The following SYNPR variants were observed in gnomAD, a reference collection of about 807,000 sequenced individuals.
The protein encoded by SYNPR is synaptoporin.
A neutral mutation model predicts 32.9 loss-of-function variants in SYNPR; 23 were observed. The ratio of observed to expected loss-of-function variants is 0.70; its 90% confidence interval spans 0.50 to 0.99. SYNPR has a LOEUF of 0.99. Ranked by LOEUF, SYNPR falls within the 50% of genes least tolerant of loss-of-function variation. The probability of loss-of-function intolerance (pLI) is 0.00; values close to 1 mark genes in which losing one functional copy is unlikely to be tolerated. For synonymous variants in SYNPR, 146 were observed against 135.9 expected (o/e 1.07, Z -0.52); for missense variants, 318 against 349.3 (o/e 0.91, Z 0.71).
At chr3:63,324,394 T>C (rs919186594) in intron 2 of SYNPR, among the ~76,000 whole-genome samples, 3 of 152,118 alleles carry the variant, frequency 2.0e-5, no homozygotes, top group Admixed American at 1.3e-4. Flanking sequence ...TTTGCATTTA[T>C]CCTGTAGCCA....
intron 2 of SYNPR, among the ~76,000 whole-genome samples, chr3:63,317,380 GT>G (rs2087054663): frequency 6.6e-6 from 1 of 151,720 alleles, no homozygotes; most frequent in Admixed American, 6.6e-5. Flanking sequence ...CATTTATTGG[GT>G]CTATTGGTAA....
intron 2 of SYNPR, among the ~76,000 whole-genome samples, chr3:63,302,906 T>C (rs1156989802): frequency 6.6e-6 from 1 of 151,978 alleles, no homozygotes; most frequent in African/African-American, 2.4e-5. Context: ...AATAGAATAA[T>C]TTGAATGTTT....
intron 3 of SYNPR, among the ~76,000 whole-genome samples, chr3:63,494,432 TAC>T (rs1385989405): frequency 3.6e-5 from 4 of 110,678 alleles, no homozygotes; most frequent in African/African-American, 8.5e-5. Context: ...TATATATATA[TAC>T]GTATATATAT....
intron 2 of SYNPR, among the ~76,000 whole-genome samples, chr3:63,434,526 A>C (rs1207592141): frequency 1.3e-5 from 2 of 152,358 alleles, no homozygotes; most frequent in African/African-American, 2.4e-5. Context: ...CAAATTTACT[A>C]TTCATATCTC....
At chr3:63,328,855 A>C (rs918462057) in intron 2 of SYNPR, among the ~76,000 whole-genome samples, 1 of 152,172 alleles carries the variant, frequency 6.6e-6, no homozygotes, top group African/African-American at 2.4e-5. Context: ...TATTGATTAT[A>C]ATGTCCATGA....
At chr3:63,526,980 A>G (rs1702024524) in intron 3 of SYNPR, among the ~76,000 whole-genome samples, 1 of 152,212 alleles carries the variant, frequency 6.6e-6, no homozygotes, top group Non-Finnish European at 1.5e-5. Flanking sequence ...AAATCAAAAT[A>G]TATAAAGCTC....
At chr3:63,277,766 C>T (rs2086590378), upstream of SYNPR, among the ~76,000 whole-genome samples, 1 of 152,084 alleles carries the variant, frequency 6.6e-6, no homozygotes, top group African/African-American at 2.4e-5. Flanking sequence ...CTGTGCTCTG[C>T]TCTGCGCCAC....
At chr3:63,494,440 T>TAC (rs1272364427) in intron 3 of SYNPR, among the ~76,000 whole-genome samples, 1 of 128,646 alleles carries the variant, frequency 7.8e-6, no homozygotes, top group African/African-American at 3.0e-5. Context: ...TATACGTATA[T>TAC]ATATATACAC....
At position 63,454,040 on chromosome 3, in the gene SYNPR, ATTAAT is replaced by A. The variant is rs1448913173; in HGVS notation, c.85-26788_85-26784del. 2.6e-5 allele frequency among the ~76,000 whole-genome samples: 4 copies of A among 152,282 alleles called. No homozygotes were observed. The East Asian group carries it at 7.7e-4, about 29-fold the overall frequency. On this transcript the variant is annotated intron_variant, in intron 2 of 5. Transcript: ENST00000478300. ...GCATACAGTTCTTGTTACTTCATTCATTAATTTATTCATTCAGTAAATGTTTATTA... is the reference window on the plus strand; with the variant it reads ...GCATACAGTTCTTGTTACTTCATTCATTATTCATTCAGTAAATGTTTATTA...
intron 4 of SYNPR, among the ~76,000 whole-genome samples, chr3:63,557,044 TG>T (rs1702607506): frequency 6.6e-6 from 1 of 152,172 alleles, no homozygotes. Flanking sequence ...ATTCCAGCAT[TG>T]TGGAGTTATA....
At chr3:63,247,151 C>T (rs112549211) in intron 1 of SYNPR, among the ~76,000 whole-genome samples, 802 of 151,906 alleles carry the variant, frequency 5.3e-3, no homozygotes, top group African/African-American at 0.017. Context: ...GGGAAAAATG[C>T]CTCTCTAAGA....
intron 5 of SYNPR, among the ~76,000 whole-genome samples, chr3:63,613,184 A>C (rs945228810): frequency 2.0e-5 from 3 of 150,700 alleles, no homozygotes; most frequent in African/African-American, 4.9e-5. Flanking sequence ...AGGTCTTGCT[A>C]TGTTGCCCAG....
upstream of SYNPR, among the ~76,000 whole-genome samples, chr3:63,274,147 T>C (rs1263777231): frequency 2.6e-5 from 4 of 152,216 alleles, no homozygotes; most frequent in Non-Finnish European, 4.4e-5. Flanking sequence ...TTTCATAACA[T>C]ACGGGTAGTG....
intron 3 of SYNPR, among the ~76,000 whole-genome samples, chr3:63,487,753 C>T (rs1305065363): frequency 6.6e-6 from 1 of 152,146 alleles, no homozygotes; most frequent in Non-Finnish European, 1.5e-5. Flanking sequence ...GAAAGCTCCC[C>T]CTCAAAGTGA....
intron 2 of SYNPR, among the ~76,000 whole-genome samples, chr3:63,379,708 T>C (rs993974576): frequency 1.3e-5 from 2 of 152,158 alleles, no homozygotes; most frequent in Non-Finnish European, 2.9e-5. Flanking sequence ...ATTATTATAC[T>C]CTAAGTTTTA....
chr3:63,389,425 A>C (rs1375373993), intron 2 of SYNPR, among the ~76,000 whole-genome samples: 1 of 152,212 alleles, frequency 6.6e-6, no homozygotes, highest in Non-Finnish European at 1.5e-5. Context: ...TGGCAAACTT[A>C]TCATCCCAGA....
chr3:63,408,787 T>G (rs1446493279), intron 2 of SYNPR, among the ~76,000 whole-genome samples: 1 of 152,162 alleles, frequency 6.6e-6, no homozygotes, highest in Non-Finnish European at 1.5e-5. Context: ...CTGATTCAAA[T>G]GCCAATCTTT....
intron 2 of SYNPR, among the ~76,000 whole-genome samples, chr3:63,387,579 A>G (rs186493646): frequency 6.6e-6 from 1 of 152,222 alleles, no homozygotes; most frequent in Non-Finnish European, 1.5e-5. Context: ...AAAACAAAAA[A>G]TCCTCTTTCA....
chr3:63,404,495 A>C (rs2088333770), intron 2 of SYNPR, among the ~76,000 whole-genome samples: 1 of 152,154 alleles, frequency 6.6e-6, no homozygotes, highest in South Asian at 2.1e-4. Flanking sequence ...GCTTTGCCTC[A>C]TGGTTTCACT....
Sources: allele counts gnomAD v4.1 joint callset (sites outside exome capture counted in the v4.1 genomes callset), GRCh38; gene constraint gnomAD v4.1.1; transcripts MANE v1.5; gene names NCBI Gene and HGNC (gene_info 2026-07-23, HGNC 2026-07-21).